The following LINGO2 variants were observed in gnomAD, a reference collection of about 807,000 sequenced individuals.
LINGO2 encodes leucine-rich repeat and immunoglobulin-like domain-containing nogo receptor-interacting protein 2.
A neutral mutation model predicts 30.6 loss-of-function variants in LINGO2; 14 were observed. The observed-to-expected ratio is 0.46, with a 90% confidence interval of 0.30 to 0.72. The LOEUF is 0.72. LINGO2 is among the 30% of genes least tolerant of loss of function. LINGO2 has a pLI of 0.07. For missense variants in LINGO2, 729 were observed against 751.7 expected (o/e 0.97, Z 0.35); for synonymous variants, 317 against 288.5 (o/e 1.10, Z -1.00).
intron 2 of LINGO2, among the ~76,000 whole-genome samples, chr9:28,441,398 A>T (rs1824193355): frequency 6.7e-6 from 1 of 148,608 alleles, no homozygotes; most frequent in Non-Finnish European, 1.5e-5. Flanking sequence ...CACTTTGTTC[A>T]TCTTTGATAG....
At chr9:28,048,155 G>T (rs1824510302) in intron 4 of LINGO2, among the ~76,000 whole-genome samples, 1 of 150,704 alleles carries the variant, frequency 6.6e-6, no homozygotes, top group Non-Finnish European at 1.5e-5. Context: ...CAAAAAAGGG[G>T]TAAGACATTT....
chr9:28,960,492 G>A, the LINGO2 span, among the ~76,000 whole-genome samples: 17 of 151,348 alleles, frequency 1.1e-4, no homozygotes, highest in African/African-American at 3.9e-4. Context: ...GACAGGGTAC[G>A]ACCTTTTCTC....
chr9:28,849,683 G>A, the LINGO2 span, among the ~76,000 whole-genome samples: 4 of 151,958 alleles, frequency 2.6e-5, no homozygotes, highest in South Asian at 2.1e-4. Context: ...ACAAGCTACC[G>A]AGCTTTGCAA....
chr9:28,430,665 C>T (rs898039237), intron 2 of LINGO2, among the ~76,000 whole-genome samples: 3 of 152,124 alleles, frequency 2.0e-5, no homozygotes, highest in Non-Finnish European at 2.9e-5. Context: ...TGCTTACACT[C>T]AATGTCATAT....
intron 4 of LINGO2, among the ~76,000 whole-genome samples, chr9:28,193,364 A>G (rs1284287270): frequency 6.6e-6 from 1 of 152,148 alleles, no homozygotes; most frequent in Non-Finnish European, 1.5e-5. Context: ...TTAACTGACA[A>G]GTGAAATTAA....
the LINGO2 span, among the ~76,000 whole-genome samples, chr9:29,211,897 C>A: frequency 6.6e-6 from 1 of 152,048 alleles, no homozygotes; most frequent in African/African-American, 2.4e-5. Context: ...TCAAGGGAGG[C>A]GGGGGAAATT....
chr9:28,918,599 C>A, the LINGO2 span, among the ~76,000 whole-genome samples: 1 of 152,128 alleles, frequency 6.6e-6, no homozygotes, highest in South Asian at 2.1e-4. Context: ...CTAGAAGGAG[C>A]CTACGTCTCT....
chr9:28,814,561 A>G, the LINGO2 span, among the ~76,000 whole-genome samples: 16 of 151,630 alleles, frequency 1.1e-4, 1 homozygote, highest in East Asian at 2.6e-3. Context: ...TCTCAAATCT[A>G]TTCTCCCTAG....
chr9:29,143,365 C>T, the LINGO2 span, among the ~76,000 whole-genome samples: 1 of 151,994 alleles, frequency 6.6e-6, no homozygotes, highest in Non-Finnish European at 1.5e-5. Context: ...CAAAAACAAT[C>T]TTGGAAGAAC....
intron 1 of LINGO2, among the ~76,000 whole-genome samples, chr9:28,618,987 GC>G (rs1826268103): frequency 6.6e-6 from 1 of 152,148 alleles, no homozygotes; most frequent in African/African-American, 2.4e-5. Flanking sequence ...AGTACCTGGG[GC>G]AAAATAAGAC....
intron 4 of LINGO2, among the ~76,000 whole-genome samples, chr9:28,127,862 G>A (rs1034028590): frequency 6.6e-6 from 1 of 152,180 alleles, no homozygotes; most frequent in Admixed American, 6.5e-5. Flanking sequence ...TTGAGTAGGG[G>A]CTTGCCACTT....
intron 2 of LINGO2, among the ~76,000 whole-genome samples, chr9:28,456,729 A>G (rs537994396): frequency 1.3e-5 from 2 of 152,156 alleles, no homozygotes; most frequent in Non-Finnish European, 2.9e-5. Flanking sequence ...AACATAAGAT[A>G]TTTGCTAATT....
intron 1 of LINGO2, among the ~76,000 whole-genome samples, chr9:28,569,921 T>C (rs1447202013): frequency 6.6e-6 from 1 of 151,856 alleles, no homozygotes; most frequent in Non-Finnish European, 1.5e-5. Context: ...TAATTTTTAT[T>C]TGGCAAAAAA....
At position 28,177,886 on chromosome 9, in the gene LINGO2, C is replaced by T. The variant is rs180707968; in HGVS notation, c.-87+117322G>A. On this transcript the variant is annotated intron_variant, in intron 4 of 5. Coordinates refer to ENST00000379992, the Ensembl canonical transcript of LINGO2. The stretch of plus-strand genomic sequence containing the variant: ...ATGTACTATTACCTGTTAAAAGTGA[C>T]GCTGCTGAAATTTATTCTACAGCCT... 2.6e-3 allele frequency among the ~76,000 whole-genome samples: 400 copies of T among 152,280 alleles called. 1 individual carries two copies. The highest frequency in any genetic ancestry group is 4.8e-3 in the Admixed American group (73 of 15,288).
At chr9:28,657,938 A>C (rs1828426451) in intron 1 of LINGO2, among the ~76,000 whole-genome samples, 1 of 151,866 alleles carries the variant, frequency 6.6e-6, no homozygotes, top group Non-Finnish European at 1.5e-5. Flanking sequence ...GTTGTTATCT[A>C]ATGCATTTTT....
At chr9:29,196,543 T>C in the LINGO2 span, among the ~76,000 whole-genome samples, 1 of 151,900 alleles carries the variant, frequency 6.6e-6, no homozygotes, top group African/African-American at 2.4e-5. Flanking sequence ...GATGGAAGAG[T>C]CTCCCAAATG....
the LINGO2 span, among the ~76,000 whole-genome samples, chr9:29,208,305 T>G: frequency 2.0e-4 from 31 of 152,044 alleles, no homozygotes; most frequent in African/African-American, 6.3e-4. Context: ...TTAAATGATA[T>G]TTTAACTCTT....
At chr9:28,260,799 C>T (rs1267524078) in intron 4 of LINGO2, among the ~76,000 whole-genome samples, 1 of 151,896 alleles carries the variant, frequency 6.6e-6, no homozygotes, top group Non-Finnish European at 1.5e-5. Flanking sequence ...GTAGCTTCTT[C>T]CTTTAGTCTC....
At chr9:28,822,263 C>T in the LINGO2 span, among the ~76,000 whole-genome samples, 1 of 152,182 alleles carries the variant, frequency 6.6e-6, no homozygotes, top group Admixed American at 6.5e-5. Context: ...GCAAACTATA[C>T]CCTCTGCATA....
Sources: gnomAD v4.1 joint callset for allele counts (sites outside exome capture counted in the v4.1 genomes callset) on GRCh38, gnomAD v4.1.1 for gene constraint, MANE v1.5 for transcripts, NCBI Gene and HGNC (gene_info 2026-07-23, HGNC 2026-07-21) for gene names.